PCDH17: variants seen among roughly 807,000 people sequenced by gnomAD.
PCDH17 encodes the protein protocadherin-17.
A neutral mutation model predicts 67.7 loss-of-function variants in PCDH17; 21 were observed. The ratio of observed to expected loss-of-function variants is 0.31; its 90% CI spans 0.22 to 0.45. The LOEUF is 0.45. PCDH17 is among the 20% of genes least tolerant of loss of function. PCDH17 has a pLI of 1.00. For missense variants in PCDH17, 1,471 were observed against 1,564.8 expected (o/e 0.94, Z 1.01); for synonymous variants, 701 against 656.7 (o/e 1.07, Z -1.03).
chr13:57,666,286 C>T (rs1442049990), intron 1 of PCDH17, among the ~76,000 whole-genome samples, 182 bp from the exon 2 acceptor site: 1 of 152,144 alleles, frequency 6.6e-6, no homozygotes, highest in African/African-American at 2.4e-5. Context: ...GGACCGGAAT[C>T]ATTTAATTGT....
At chr13:57,662,743 T>C (rs1057152394) in intron 1 of PCDH17, among the ~76,000 whole-genome samples, 2 of 152,166 alleles carry the variant, frequency 1.3e-5, no homozygotes, top group African/African-American at 4.8e-5. Context: ...ATATTGCTGA[T>C]AAAAATGTTG....
chr13:57,647,621 T>TA (rs1954980734), intron 1 of PCDH17, among the ~76,000 whole-genome samples: 1 of 151,844 alleles, frequency 6.6e-6, no homozygotes, highest in Non-Finnish European at 1.5e-5. Flanking sequence ...TTTCTCATTT[T>TA]AAAAATGCAT....
Position 57,635,037 on chromosome 13 carries a change from G to A in PCDH17, c.2491G>A (p.Gly831Ser). 1 of 1,613,488 alleles carries A rather than the reference G, an allele frequency of 6.2e-7. No homozygotes were observed. Among genetic ancestry groups the A allele is most frequent in the Non-Finnish European group, 8.5e-7 (1 of 1,180,022 alleles). The change falls in exon 1 of 4, where the codon GGC becomes AGC. Residue 831 changes from glycine (G) to serine (S), a missense_variant. Gly to Ser is a moderately conservative substitution (Grantham distance 56). This residue lies in a region of PCDH17 where 1,163 missense variants were observed against 1,230.0 expected (regional missense o/e 0.95). Transcript: ENST00000377918. ...NNLTVPQGHA[G>S]CHTSFTGQGT... ...CCTGACTGTCCCTCAGGGGCACGCG[G>A]GCTGCCACACCAGCTTCACCGGACA...
At chr13:57,649,066 G>T (rs1440115604) in intron 1 of PCDH17, among the ~76,000 whole-genome samples, 7 of 152,022 alleles carry the variant, frequency 4.6e-5, no homozygotes, top group Admixed American at 3.9e-4. Flanking sequence ...GATTAGACAG[G>T]TGTTTCTTCA....
chr13:57,716,606 A>G (rs1955818742), intron 3 of PCDH17, among the ~76,000 whole-genome samples: 1 of 151,822 alleles, frequency 6.6e-6, no homozygotes, highest in Non-Finnish European at 1.5e-5. Flanking sequence ...TTTTCTCTGT[A>G]TTTCTGCTGC....
chr13:57,646,152 G>A (rs1954963236), intron 1 of PCDH17, among the ~76,000 whole-genome samples: 1 of 151,522 alleles, frequency 6.6e-6, no homozygotes, highest in South Asian at 2.1e-4. Context: ...AAATTATCAA[G>A]TGTATGTAAT....
chr13:57,666,881 A>G (rs889431099), intron 3 of PCDH17, 48 bp downstream of exon 3: 1 of 1,435,544 alleles, frequency 7.0e-7, no homozygotes, highest in Non-Finnish European at 9.5e-7. Flanking sequence ...TTAAGCAGTC[A>G]TTATAAACCT....
chr13:57,699,030 C>G (rs1035759810), intron 3 of PCDH17, among the ~76,000 whole-genome samples: 1 of 151,822 alleles, frequency 6.6e-6, no homozygotes, highest in Admixed American at 6.6e-5. Flanking sequence ...TAGCTCAAGG[C>G]ACAGATTTGA....
rs1453832770 is a variant in PCDH17, at chr13:57,632,717, G to T, written c.171G>T (p.Gly57=). 2.5e-6 allele frequency: 4 copies of T among 1,611,538 alleles called. No individual in the cohort carries two copies. The African/African-American group carries it at 5.3e-5, about 22-fold the overall frequency. Reference sequence around the variant, plus strand: ...CGCCTGCAGAGCGCGGCGGCGGAGGGCGCAGCAAGTCGGGTAGCTACCGGG... The same window carrying T: ...CGCCTGCAGAGCGCGGCGGCGGAGGTCGCAGCAAGTCGGGTAGCTACCGGG... ...GLPPAERGGG[G]RSKSGSYRVL... is the part of the protein sequence containing the mutation. The change falls in exon 1 of 4, where the codon GGG becomes GGT. Residue 57 remains glycine, a synonymous_variant. Coordinates refer to ENST00000377918, the MANE Select transcript of PCDH17 (RefSeq NM_001040429.3).
At chr13:57,666,114 C>A (rs1593912598) in intron 1 of PCDH17, among the ~76,000 whole-genome samples, 2 of 152,110 alleles carry the variant, frequency 1.3e-5, no homozygotes, top group South Asian at 4.1e-4. Flanking sequence ...AAATAATTCA[C>A]ACTTTTAATA....
intron 1 of PCDH17, among the ~76,000 whole-genome samples, chr13:57,657,969 T>TA (rs2138010657): frequency 6.6e-6 from 1 of 152,290 alleles, no homozygotes; most frequent in Admixed American, 6.5e-5. Context: ...AAGACATACT[T>TA]ACAATTATTC....
chr13:57,716,695 G>GT (rs1315088749), intron 3 of PCDH17, among the ~76,000 whole-genome samples: 4 of 151,762 alleles, frequency 2.6e-5, no homozygotes, highest in Non-Finnish European at 5.9e-5. Flanking sequence ...CTACTTTTTA[G>GT]TTTCCAATCA....
rs2138024307 is a variant in PCDH17, at chr13:57,666,663, G to A, written c.2627G>A (p.Ser876Asn). Reference sequence around the variant, plus strand: ...CTTTTTCTTTATATGTATTTCAGTAGCTCCACGTTTAAGGACCCAGAAAGA... The same window carrying A: ...CTTTTTCTTTATATGTATTTCAGTAACTCCACGTTTAAGGACCCAGAAAGA... ...MGSRQQFVQS[S>N]STFKDPERAS... Residue 876 changes from serine to asparagine, a missense_variant and splice_region_variant, in exon 3 of 4, where the codon AGC (serine) becomes AAC (asparagine). Around this residue, in one of 3 missense-constraint regions of PCDH17, gnomAD observed 1,163 missense variants for 1,230.0 expected, o/e 0.95. Transcript: ENST00000377918. The A allele has an allele frequency of 3.1e-6, 5 of 1,610,530 alleles. No homozygotes were observed. Among genetic ancestry groups the A allele is most frequent in the Non-Finnish European group, 4.2e-6 (5 of 1,178,158 alleles).
In PCDH17 at chr13:57,634,665, C is replaced by T. The variant is rs1307750766; in HGVS notation, c.2119C>T (p.Pro707Ser). The T allele has an allele frequency of 1.2e-6, 2 of 1,613,558 alleles. No homozygotes were observed. The highest frequency in any genetic ancestry group is 1.1e-5 in the South Asian group (1 of 91,076). The change falls in exon 1 of 4, where the codon CCG becomes TCG. Residue 707 changes from proline (P) to serine (S), a missense_variant. Pro to Ser is a moderately conservative substitution (Grantham distance 74). Transcript: ENST00000377918. The surrounding 1 kb of genome is among the most constrained non-coding windows in gnomAD (Gnocchi z 7.8). Reference sequence around the variant, plus strand: ...GCAGCACCACTGGGACATGTCGCTGCCGCTCATCGTGACTCTGAGCACTAT... The same window carrying T: ...GCAGCACCACTGGGACATGTCGCTGTCGCTCATCGTGACTCTGAGCACTAT... ...GEQHHWDMSL[P>S]LIVTLSTISI...
At chr13:57,695,308 T>G (rs1413761711) in intron 3 of PCDH17, among the ~76,000 whole-genome samples, 1 of 151,256 alleles carries the variant, frequency 6.6e-6, no homozygotes, top group Non-Finnish European at 1.5e-5. Context: ...AGTTTGTAAA[T>G]TTTTGACTTT....
intron 3 of PCDH17, among the ~76,000 whole-genome samples, chr13:57,693,994 T>G (rs1955584045): frequency 6.7e-6 from 1 of 149,990 alleles, no homozygotes; most frequent in Admixed American, 6.7e-5. Flanking sequence ...TTGAGGTAAA[T>G]GACTTAAAGA....
In PCDH17 at chr13:57,722,285, T is replaced by C. The variant is rs935842688; in HGVS notation, c.2798-2327T>C. Among the ~76,000 whole-genome samples the C allele has an allele frequency of 1.3e-5, 2 of 152,176 alleles. 1 individual carries two copies. Among genetic ancestry groups the C allele is most frequent in the Non-Finnish European group, 2.9e-5 (2 of 68,036 alleles). The stretch of plus-strand genomic sequence containing the variant: ...ATTCAGTGTTAGCTATCCAAATAGC[T>C]GCAATGAAAGGCCAGTCAATATGAA... On this transcript the variant is annotated intron_variant, in intron 3 of 3. Coordinates refer to ENST00000377918, the MANE Select transcript of PCDH17 (RefSeq NM_001040429.3).
At chr13:57,712,132 A>G (rs1955782394) in intron 3 of PCDH17, among the ~76,000 whole-genome samples, 1 of 151,858 alleles carries the variant, frequency 6.6e-6, no homozygotes, top group South Asian at 2.1e-4. Flanking sequence ...GAGCTTTAAA[A>G]TAAATATGTT....
chr13:57,714,538 T>G (rs1375549824), intron 3 of PCDH17, among the ~76,000 whole-genome samples: 1 of 151,690 alleles, frequency 6.6e-6, no homozygotes, highest in Non-Finnish European at 1.5e-5. Flanking sequence ...AAACATCCTC[T>G]CCAAAGATGA....
Sources: allele counts gnomAD v4.1 joint callset (sites outside exome capture counted in the v4.1 genomes callset), GRCh38; gene constraint gnomAD v4.1.1; regional missense constraint gnomAD v4.1.1; non-coding constraint Gnocchi (gnomAD v3.1); transcripts MANE v1.5; gene names NCBI Gene and HGNC (gene_info 2026-07-23, HGNC 2026-07-21).